Variants in MED26 observed in about 807,000 individuals in gnomAD.
The protein encoded by MED26 is mediator of RNA polymerase II transcription subunit 26.
In MED26, 7 loss-of-function variants were observed where a neutral mutation model predicts 43.7. That is an observed-to-expected ratio of 0.16 (90% CI 0.09 to 0.30). The LOEUF is 0.30. Ranked by LOEUF, MED26 falls within the 10% of genes least tolerant of loss-of-function variation. MED26 has a pLI of 1.00. For synonymous variants in MED26, 375 were observed against 371.1 expected, an observed-to-expected ratio of 1.01 and a Z score of -0.12; for missense variants, 784 against 840.6, an observed-to-expected ratio of 0.93 and a Z score of 0.83.
Position 16,576,533 on chromosome 19 carries a change from G to T in MED26, c.1297C>A (p.Gln433Lys). ...RKLTFDPMTR[Q>K]IKPLTQKEPV... is the part of the protein sequence containing the mutation. The stretch of plus-strand genomic sequence containing the variant: ...TCTTTCTGGGTCAGAGGTTTGATCT[G>T]TCTCGTCATGGGGTCAAAGGTGAGC... The change falls in exon 3 of 3, where the codon CAG (glutamine) becomes AAG (lysine). Residue 433 changes from glutamine (Q) to lysine (K), a missense_variant. Transcript: ENST00000263390. This position sits in a 1 kb window ranked among gnomAD's most constrained non-coding sequence, Gnocchi z 6.8. The T allele has an allele frequency of 2.5e-6, 4 of 1,614,202 alleles. No homozygotes were observed. The highest frequency in any genetic ancestry group is 3.4e-6 in the Non-Finnish European group (4 of 1,180,048).
rs79179083 is a variant in MED26 at position 16,599,951 on chromosome 19, A to T, written c.73-21542T>A. Among the ~76,000 whole-genome samples the T allele has an allele frequency of 8.9e-3, 1,361 of 152,326 alleles. 10 individuals are homozygous for T. The highest frequency in any genetic ancestry group is 0.017 in the Middle Eastern group (5 of 294). On this transcript the variant is annotated intron_variant, in intron 1 of 2. Coordinates refer to ENST00000263390, the MANE Select transcript of MED26 (RefSeq NM_004831.5). ...CCAAAGGGCACTAACCACTTGCCACAGAAGCCTCAAAAGTTAGACCTAGAT... is the reference window on the plus strand; with the variant it reads ...CCAAAGGGCACTAACCACTTGCCACTGAAGCCTCAAAAGTTAGACCTAGAT...
chr19:16,603,001 C>CA (rs2086156817), intron 1 of MED26, among the ~76,000 whole-genome samples: 1 of 152,124 alleles, frequency 6.6e-6, no homozygotes, highest in Non-Finnish European at 1.5e-5. Context: ...GTATATTTTA[C>CA]AATTAAAACA....
At chr19:16,607,375 GA>G (rs898413432) in intron 1 of MED26, among the ~76,000 whole-genome samples, 4,985 of 111,474 alleles carry the variant, frequency 0.045, 95 homozygotes, top group African/African-American at 0.068. Flanking sequence ...CTTTTGTGGG[GA>G]AAAAAAAAAA....
Position 16,627,990 on chromosome 19 carries a change from G to T in MED26, c.-47C>A. On this transcript the variant is annotated 5_prime_UTR_variant, in exon 1 of 3. Transcript: ENST00000263390. The stretch of plus-strand genomic sequence containing the variant: ...TGCGGCCGGGCCAGCGGGCGGGCGG[G>T]CTGAGGCGGGGGACGGGGGTCACTC... 1 of 1,273,450 alleles carries T rather than the reference G, an allele frequency of 7.9e-7. No individual in the cohort carries two copies. Among genetic ancestry groups the T allele is most frequent in the Non-Finnish European group, 1.0e-6 (1 of 957,136 alleles). The allele number at this position is 1,273,450 out of a possible 1,614,324, so 78.9% of individuals were successfully genotyped here.
chr19:16,604,519 C>T (rs913373107), intron 1 of MED26, among the ~76,000 whole-genome samples: 7 of 152,142 alleles, frequency 4.6e-5, no homozygotes, highest in Non-Finnish European at 8.8e-5. Flanking sequence ...GAGTGCAGGG[C>T]CATGCCTGGA....
chr19:16,624,667 G>C (rs1245123180), intron 1 of MED26: 1 of 152,198 alleles, frequency 6.6e-6, no homozygotes, highest in African/African-American at 2.4e-5. Context: ...CTACTGAGTA[G>C]CATCTCAAGC....
chr19:16,598,121 G>A (rs1349791846), intron 1 of MED26, among the ~76,000 whole-genome samples: 2 of 151,446 alleles, frequency 1.3e-5, no homozygotes, highest in African/African-American at 2.4e-5. Context: ...GATCACCTGA[G>A]GTCAGGAATT....
In MED26 at chr19:16,577,237, C is replaced by A; in HGVS notation, c.593G>T (p.Gly198Val). ...GCCCTCTGGGCCTGCATGCCCACTG[C>A]CATCCAGGGAGCTGGCGAAGCTCTC... is the stretch of plus-strand genomic sequence containing the variant. Reference protein sequence around the residue: ...SPESFASSLDGSGHAGPEGSR... With the variant: ...SPESFASSLDVSGHAGPEGSR... The change falls in exon 3 of 3, where the codon GGC becomes GTC. Residue 198 changes from glycine to valine, a missense_variant. Transcript: ENST00000263390. This position sits in a 1 kb window ranked among gnomAD's most constrained non-coding sequence, Gnocchi z 8.1. 6.2e-7 allele frequency: 1 copy of A among 1,613,154 alleles called. No individual in the cohort carries two copies. The highest frequency in any genetic ancestry group is 8.5e-7 in the Non-Finnish European group (1 of 1,179,876).
chr19:16,575,064 C>T lies in MED26; in HGVS notation c.*963G>A, dbSNP rs933965232. ...ACTAAGGCTCCTTGTTTTTGCAAAT[C>T]GCGTTTATGACAAATAACCATAAGG... is the stretch of plus-strand genomic sequence containing the variant. On this transcript the variant is annotated 3_prime_UTR_variant, in exon 3 of 3. Transcript: ENST00000263390. 3 of 152,424 alleles carry T rather than the reference C, an allele frequency of 2.0e-5. No individual in the cohort carries two copies. Among genetic ancestry groups the T allele is most frequent in the Admixed American group, 6.6e-5 (1 of 15,248 alleles). 9.4% of individuals were successfully genotyped at this position (152,424 alleles called of 1,614,324 possible).
At chr19:16,590,604 C>T (rs965936737) in intron 1 of MED26, among the ~76,000 whole-genome samples, 3 of 152,190 alleles carry the variant, frequency 2.0e-5, no homozygotes, top group Admixed American at 6.5e-5. Flanking sequence ...ATGTTATCTG[C>T]CTCCCTTGCT....
chr19:16,616,613 G>C (rs1463278331), intron 1 of MED26, among the ~76,000 whole-genome samples: 4 of 152,136 alleles, frequency 2.6e-5, no homozygotes, highest in Non-Finnish European at 5.9e-5. Context: ...GCATGACAAA[G>C]GCAGAGATGA....
At chr19:16,582,580 G>A (rs2086051170) in intron 1 of MED26, among the ~76,000 whole-genome samples, 1 of 152,196 alleles carries the variant, frequency 6.6e-6, no homozygotes, top group African/African-American at 2.4e-5. Flanking sequence ...CTCTCATGGA[G>A]GTGGCCCTCT....
rs763662586 is a variant in MED26 at position 16,576,851 on chromosome 19, G to A, written c.979C>T (p.Arg327Trp). ...PLAQPSTPPVRRLELLPSAES... is the reference protein window; with the variant it reads ...PLAQPSTPPVWRLELLPSAES... ...GCACTGGGCAGCAGCTCGAGCCGCCGTACGGGGGGTGTGGACGGCTGTGCC... is the reference window on the plus strand; with the variant it reads ...GCACTGGGCAGCAGCTCGAGCCGCCATACGGGGGGTGTGGACGGCTGTGCC... Residue 327 changes from arginine to tryptophan, a missense_variant, in exon 3 of 3, where the codon CGG becomes TGG. Arg to Trp is a moderately radical substitution (Grantham distance 101). This residue lies in a region of MED26 where 719 missense variants were observed against 730.9 expected (regional missense o/e 0.98). Transcript: ENST00000263390. This position sits in a 1 kb window ranked among gnomAD's most constrained non-coding sequence, Gnocchi z 6.8. The A allele has an allele frequency of 1.1e-5, 17 of 1,610,760 alleles. No homozygotes were observed. Among genetic ancestry groups the A allele is most frequent in the Middle Eastern group, 1.7e-4 (1 of 6,044 alleles).
At chr19:16,613,114 T>C (rs1485148565) in intron 1 of MED26, among the ~76,000 whole-genome samples, 2 of 152,166 alleles carry the variant, frequency 1.3e-5, no homozygotes, top group Non-Finnish European at 2.9e-5. Flanking sequence ...AGAGTATTAA[T>C]AGCACTGATA....
intron 1 of MED26, among the ~76,000 whole-genome samples, chr19:16,614,373 C>T (rs1231850800): frequency 1.3e-5 from 2 of 152,090 alleles, no homozygotes; most frequent in South Asian, 4.2e-4. Context: ...ACAAAAATTA[C>T]AAAAAATTAG....
intron 1 of MED26, among the ~76,000 whole-genome samples, chr19:16,620,940 CTGA>C (rs1599349741): frequency 1.3e-5 from 2 of 152,114 alleles, no homozygotes; most frequent in East Asian, 1.9e-4. Flanking sequence ...CAGAAGGTTT[CTGA>C]TGATAAAAAT....
intron 1 of MED26, among the ~76,000 whole-genome samples, chr19:16,579,733 G>A (rs768568280): frequency 3.5e-4 from 53 of 152,102 alleles, no homozygotes; most frequent in Admixed American, 7.2e-4. Context: ...GGAGTTAAGC[G>A]GGCACATGAT....
intron 1 of MED26, among the ~76,000 whole-genome samples, chr19:16,620,074 A>G (rs2086244912): frequency 1.3e-5 from 2 of 152,188 alleles, no homozygotes; most frequent in Non-Finnish European, 2.9e-5. Context: ...CTGACGAGAA[A>G]GAGAGGAAAA....
chr19:16,606,609 T>A (rs1327366524), intron 1 of MED26, among the ~76,000 whole-genome samples: 1 of 152,150 alleles, frequency 6.6e-6, no homozygotes, highest in Non-Finnish European at 1.5e-5. Flanking sequence ...GAGGGAGGGT[T>A]TCCATTTTTT....
Sources: gnomAD v4.1 joint callset for allele counts (sites outside exome capture counted in the v4.1 genomes callset) on GRCh38, gnomAD v4.1.1 for gene constraint, gnomAD v4.1.1 regional missense constraint, Gnocchi (gnomAD v3.1) non-coding constraint, MANE v1.5 for transcripts, NCBI Gene and HGNC (gene_info 2026-07-23, HGNC 2026-07-21) for gene names.